Variants in FAM107B observed in about 807,000 individuals in gnomAD.
The protein encoded by FAM107B is protein FAM107B.
FAM107B carries 21 observed loss-of-function variants against 31.5 expected under a neutral mutation model. The observed-to-expected ratio is 0.67, with a 90% CI of 0.47 to 0.96. The LOEUF (loss-of-function observed/expected upper bound fraction) is 0.96, where lower values mean the gene tolerates loss of function less well. FAM107B is among the 40% of genes least tolerant of loss of function. FAM107B has a pLI of 0.00. For missense variants in FAM107B, 452 were observed against 377.1 expected (o/e 1.20, Z -1.64); for synonymous variants, 157 against 141.5 (o/e 1.11, Z -0.78).
chr10:14,762,752 T>TCACACACACACACACACACA (rs1491112835), intron 1 of FAM107B, among the ~76,000 whole-genome samples: 1 of 117,504 alleles, frequency 8.5e-6, no homozygotes, highest in African/African-American at 3.2e-5. Context: ...TGAAACTCTG[T>TCACACACACACACACACACA]CTCACACACA....
intron 2 of FAM107B, among the ~76,000 whole-genome samples, chr10:14,544,989 G>C (rs1186481880): frequency 6.6e-6 from 1 of 152,172 alleles, no homozygotes; most frequent in Non-Finnish European, 1.5e-5. Flanking sequence ...CACCATCATG[G>C]AATTAGTTAA....
Position 14,674,942 on chromosome 10 carries a change from T to C in FAM107B, c.412-7251A>G, listed in dbSNP as rs150267913. Among the ~76,000 whole-genome samples, 8 of 152,324 alleles carry C rather than the reference T, an allele frequency of 5.3e-5. No individual in the cohort carries two copies. The East Asian group carries it at 1.5e-3, about 29-fold the overall frequency. On this transcript the variant is annotated intron_variant, in intron 1 of 4. Coordinates refer to ENST00000181796, the MANE Select transcript of FAM107B (RefSeq NM_031453.4). ...TTTGTAGAGACAGGGTTTTGCCACG[T>C]TGTGCTCCGAAAGTGCTGGGATTAC... is the stretch of plus-strand genomic sequence containing the variant.
chr10:14,722,848 A>G (rs1423083401), intron 1 of FAM107B, among the ~76,000 whole-genome samples: 2 of 151,850 alleles, frequency 1.3e-5, no homozygotes, highest in African/African-American at 2.4e-5. Context: ...TTTTTATTTT[A>G]TTGCTTATCT....
intron 1 of FAM107B, among the ~76,000 whole-genome samples, chr10:14,746,875 C>A (rs1390847089): frequency 6.6e-6 from 1 of 152,078 alleles, no homozygotes; most frequent in Non-Finnish European, 1.5e-5. Context: ...GGATGATATC[C>A]TGAAGTATGT....
At chr10:14,570,400 G>A (rs751633929) in intron 2 of FAM107B, among the ~76,000 whole-genome samples, 3 of 152,182 alleles carry the variant, frequency 2.0e-5, no homozygotes, top group Non-Finnish European at 4.4e-5. Context: ...TGCCCAAGAG[G>A]AAGGAGAGCA....
chr10:14,625,282 G>A lies in FAM107B; in HGVS notation c.469+42352C>T, dbSNP rs1588666083. On this transcript the variant is annotated intron_variant, in intron 2 of 4. Coordinates refer to ENST00000181796, the MANE Select transcript of FAM107B (RefSeq NM_031453.4). ...TGCGTGTGTGTGTGTGTGTGTGTAT[G>A]TGTGTGTATCCCTCCCAGCCCTGGG... Among the ~76,000 whole-genome samples the A allele has an allele frequency of 2.0e-5, 3 of 148,712 alleles. No homozygotes were observed. In the South Asian group the frequency reaches 6.5e-4, roughly 32 times the overall value.
chr10:14,649,202 T>C (rs753400425), intron 2 of FAM107B, among the ~76,000 whole-genome samples: 19 of 152,174 alleles, frequency 1.2e-4, no homozygotes, highest in Non-Finnish European at 2.2e-4. Context: ...ACCATAAGAC[T>C]GACAAAACAG....
chr10:14,582,668 C>T (rs1443005653), intron 2 of FAM107B, among the ~76,000 whole-genome samples: 7 of 152,118 alleles, frequency 4.6e-5, no homozygotes, highest in East Asian at 3.8e-4. Context: ...TGAGCCACCA[C>T]ACCCAGCCTA....
At chr10:14,650,487 T>C (rs989424922) in intron 2 of FAM107B, among the ~76,000 whole-genome samples, 1 of 152,154 alleles carries the variant, frequency 6.6e-6, no homozygotes, top group African/African-American at 2.4e-5. Context: ...GGTTTCACCA[T>C]GTTGGCCAGG....
intron 1 of FAM107B, among the ~76,000 whole-genome samples, chr10:14,709,578 C>G (rs940832909): frequency 1.3e-5 from 2 of 152,188 alleles, no homozygotes; most frequent in South Asian, 4.1e-4. Flanking sequence ...GTTCTTCCCA[C>G]AACATGTGGC....
At chr10:14,620,505 C>T (rs778203079) in intron 2 of FAM107B, among the ~76,000 whole-genome samples, 10 of 151,818 alleles carry the variant, frequency 6.6e-5, no homozygotes, top group Non-Finnish European at 1.3e-4. Flanking sequence ...TTTAGAATAA[C>T]GCTGATTTTT....
At chr10:14,655,310 C>A (rs538178755) in intron 2 of FAM107B, among the ~76,000 whole-genome samples, 86 of 152,318 alleles carry the variant, frequency 5.6e-4, no homozygotes, top group African/African-American at 2.0e-3. Context: ...GGACAAATAT[C>A]CAAACCATAG....
intron 2 of FAM107B, among the ~76,000 whole-genome samples, chr10:14,635,681 G>GA (rs1853480827): frequency 6.6e-6 from 1 of 152,042 alleles, no homozygotes; most frequent in Non-Finnish European, 1.5e-5. Context: ...ACCCAGGCTG[G>GA]AGTACAGTGG....
chr10:14,763,172 G>A (rs1220245395), intron 1 of FAM107B, among the ~76,000 whole-genome samples: 1 of 152,150 alleles, frequency 6.6e-6, no homozygotes, highest in Non-Finnish European at 1.5e-5. Flanking sequence ...TGAGGCAGGA[G>A]AGTAGCTTGA....
intron 1 of FAM107B, among the ~76,000 whole-genome samples, chr10:14,745,249 C>G (rs1464043326): frequency 6.6e-6 from 1 of 151,596 alleles, no homozygotes; most frequent in Non-Finnish European, 1.5e-5. Flanking sequence ...TTCAAAAAAC[C>G]AACTCCTGGA....
chr10:14,590,880 T>G (rs547499454), intron 2 of FAM107B, among the ~76,000 whole-genome samples: 18 of 150,832 alleles, frequency 1.2e-4, no homozygotes, highest in African/African-American at 4.1e-4. Flanking sequence ...TCCCAGCTAC[T>G]TGAGAGGCTG....
At chr10:14,723,648 C>T (rs1348109877) in intron 1 of FAM107B, 8 of 732,260 alleles carry the variant, frequency 1.1e-5, no homozygotes, top group Non-Finnish European at 2.0e-5. Context: ...CATAGGATTA[C>T]TCTGCGAGAG....
At chr10:14,528,015 A>G (rs1251095733) in intron 3 of FAM107B, 3 of 370,326 alleles carry the variant, frequency 8.1e-6, no homozygotes, top group African/African-American at 4.6e-5. Context: ...TTTTTTTTTA[A>G]TGTATTTCCA....
At chr10:14,619,623 CA>C (rs1852947120) in intron 2 of FAM107B, among the ~76,000 whole-genome samples, 1 of 140,752 alleles carries the variant, frequency 7.1e-6, no homozygotes, top group South Asian at 2.3e-4. Context: ...ATTTCCTTAA[CA>C]ATGTATTTTG....
Sources: gnomAD v4.1 joint callset for allele counts (sites outside exome capture counted in the v4.1 genomes callset) on GRCh38, gnomAD v4.1.1 for gene constraint, MANE v1.5 for transcripts, NCBI Gene and HGNC (gene_info 2026-07-23, HGNC 2026-07-21) for gene names.